ERBB4: variants seen among roughly 807,000 people sequenced by gnomAD.
ERBB4 encodes receptor tyrosine-protein kinase erbB-4.
Under a neutral mutation model 158.0 loss-of-function variants are expected in ERBB4, and 42 were observed. That is an observed-to-expected ratio of 0.27 (90% CI 0.21 to 0.34). The LOEUF is 0.34. Among genes scored for constraint, ERBB4 ranks in the 10% least tolerant of loss-of-function variants. The pLI is 1.00. For missense variants in ERBB4, 1,333 were observed against 1,624.1 expected (o/e 0.82, Z 3.08); for synonymous variants, 583 against 558.7 (o/e 1.04, Z -0.61).
chr2:211,740,445 G>T, intron 5 of ERBB4, among the ~76,000 whole-genome samples: 1 of 151,788 alleles, frequency 6.6e-6, no homozygotes, highest in East Asian at 1.9e-4. Flanking sequence ...ATCTTTACAT[G>T]TCTGATATTT....
chr2:212,248,341 G>T lies in ERBB4; in HGVS notation c.83-123438C>A, dbSNP rs564442396. Among the ~76,000 whole-genome samples the T allele has an allele frequency of 1.2e-4, 18 of 152,108 alleles. No homozygotes were observed. In the South Asian group the frequency reaches 2.3e-3, roughly 19 times the overall value. Reference sequence around the variant, plus strand: ...ACCTAATATGCCTTTTCCTTAATTTGGGCTTTGCTAAACACAACTTTTTGT... The same window carrying T: ...ACCTAATATGCCTTTTCCTTAATTTTGGCTTTGCTAAACACAACTTTTTGT... On this transcript the variant is annotated intron_variant, in intron 1 of 27. Transcript: ENST00000342788.
At chr2:211,399,141 T>C (rs964717897) in intron 25 of ERBB4, among the ~76,000 whole-genome samples, 2 of 152,226 alleles carry the variant, frequency 1.3e-5, no homozygotes, top group African/African-American at 4.8e-5. Context: ...TATTTAATTA[T>C]TGATTCAAAA....
At chr2:211,707,510 TATTA>T (rs1176155144) in intron 9 of ERBB4, among the ~76,000 whole-genome samples, 1 of 152,198 alleles carries the variant, frequency 6.6e-6, no homozygotes, top group Non-Finnish European at 1.5e-5. Flanking sequence ...TCATCGAGTT[TATTA>T]TTTCCCTTCC....
chr2:211,650,520 C>T (rs780674318), intron 16 of ERBB4, among the ~76,000 whole-genome samples: 2 of 152,034 alleles, frequency 1.3e-5, no homozygotes, highest in Non-Finnish European at 2.9e-5. Context: ...TGTTTTTCCT[C>T]GAATCTGTCT....
chr2:211,664,435 T>C (rs776876045), intron 15 of ERBB4, among the ~76,000 whole-genome samples: 3 of 152,094 alleles, frequency 2.0e-5, no homozygotes, highest in Non-Finnish European at 4.4e-5. Context: ...AAAGGCTTTA[T>C]GGGCAGTAGG....
chr2:212,040,984 T>C (rs2077127791), intron 2 of ERBB4, among the ~76,000 whole-genome samples: 1 of 152,084 alleles, frequency 6.6e-6, no homozygotes, highest in Non-Finnish European at 1.5e-5. Context: ...TCTAACAAGC[T>C]CCTAAATCTA....
At chr2:211,560,171 G>GTC (rs2067346272) in intron 20 of ERBB4, among the ~76,000 whole-genome samples, 1 of 146,064 alleles carries the variant, frequency 6.8e-6, no homozygotes, top group Non-Finnish European at 1.5e-5. Context: ...TCATATAAAT[G>GTC]ATATATTAAT....
intron 20 of ERBB4, among the ~76,000 whole-genome samples, chr2:211,500,819 G>T (rs2065596886): frequency 6.6e-6 from 1 of 151,970 alleles, no homozygotes; most frequent in African/African-American, 2.4e-5. Context: ...GCACTGGTTT[G>T]CCAGGTCATT....
chr2:211,387,522 T>C (rs1359327813), intron 26 of ERBB4, among the ~76,000 whole-genome samples: 1 of 152,190 alleles, frequency 6.6e-6, no homozygotes, highest in East Asian at 1.9e-4. Context: ...TCATTAAGAA[T>C]AGAAGTACAT....
intron 1 of ERBB4, among the ~76,000 whole-genome samples, chr2:212,258,804 T>G (rs2084832598): frequency 6.6e-6 from 1 of 151,858 alleles, no homozygotes; most frequent in South Asian, 2.1e-4. Flanking sequence ...ACAAAACTCA[T>G]GAGTTGGCAT....
At chr2:211,394,415 T>C (rs999414460) in intron 25 of ERBB4, among the ~76,000 whole-genome samples, 4 of 152,142 alleles carry the variant, frequency 2.6e-5, no homozygotes, top group Non-Finnish European at 5.9e-5. Context: ...GGCATGTTTA[T>C]ATTCATTTCC....
chr2:211,765,231 T>C (rs890193616), intron 4 of ERBB4, among the ~76,000 whole-genome samples: 1 of 152,138 alleles, frequency 6.6e-6, no homozygotes, highest in Non-Finnish European at 1.5e-5. Flanking sequence ...CACCTTGAGC[T>C]CAGACACTAG....
chr2:211,435,385 A>C (rs2125441272), intron 20 of ERBB4, among the ~76,000 whole-genome samples: 1 of 152,334 alleles, frequency 6.6e-6, no homozygotes, highest in South Asian at 2.1e-4. Flanking sequence ...TGGTTAACTT[A>C]ATCCTATGAG....
intron 20 of ERBB4, among the ~76,000 whole-genome samples, chr2:211,478,264 C>T (rs2065004598): frequency 6.6e-6 from 1 of 152,144 alleles, no homozygotes; most frequent in Admixed American, 6.5e-5. Flanking sequence ...AACAAACAAG[C>T]TTAATCACTG....
chr2:212,395,197 T>A lies in ERBB4; in HGVS notation c.82+143252A>T, dbSNP rs2090989767. On this transcript the variant is annotated intron_variant, in intron 1 of 27. Coordinates refer to ENST00000342788, the MANE Select transcript of ERBB4 (RefSeq NM_005235.3). ...GGTCTCCTCCTTAATTGATATGTTA[T>A]CTACTAAAAAGTCAAGGTAGAATCC... Among the ~76,000 whole-genome samples, 4 of 152,120 alleles carry A rather than the reference T, an allele frequency of 2.6e-5. 1 individual carries two copies. Among genetic ancestry groups the A allele is most frequent in the Admixed American group, 2.6e-4 (4 of 15,236 alleles).
chr2:211,994,063 A>G (rs1273904303), intron 2 of ERBB4, among the ~76,000 whole-genome samples: 2 of 152,012 alleles, frequency 1.3e-5, no homozygotes. Context: ...TGTTTTGGAC[A>G]CTCACTGCTT....
intron 2 of ERBB4, among the ~76,000 whole-genome samples, chr2:211,990,983 T>C (rs1235639252): frequency 1.3e-5 from 2 of 152,002 alleles, no homozygotes; most frequent in Non-Finnish European, 2.9e-5. Context: ...AATTTTAGCA[T>C]ACATAATTTT....
intron 2 of ERBB4, among the ~76,000 whole-genome samples, chr2:212,092,591 A>G (rs2078811361): frequency 6.6e-6 from 1 of 152,186 alleles, no homozygotes; most frequent in Admixed American, 6.6e-5. Context: ...TTGAATATAT[A>G]CAAATTTAAC....
At chr2:211,421,076 G>T (rs2063504709) in intron 24 of ERBB4, among the ~76,000 whole-genome samples, 1 of 151,830 alleles carries the variant, frequency 6.6e-6, no homozygotes. Flanking sequence ...TCAAAGTAGG[G>T]GCATTCAAAA....
Sources: allele counts gnomAD v4.1 joint callset (sites outside exome capture counted in the v4.1 genomes callset), GRCh38; gene constraint gnomAD v4.1.1; transcripts MANE v1.5; gene names NCBI Gene and HGNC (gene_info 2026-07-23, HGNC 2026-07-21).